CA10: variants seen among roughly 807,000 people sequenced by gnomAD.
CA10 encodes carbonic anhydrase 10 (inactive), also known as carbonic anhydrase-related protein 10.
In CA10, 14 loss-of-function variants were observed where a neutral mutation model predicts 44.2. The ratio of observed to expected loss-of-function variants is 0.32; its 90% CI spans 0.21 to 0.50. CA10 has a LOEUF of 0.50. Ranked by LOEUF, CA10 falls within the 20% of genes least tolerant of loss-of-function variation. The probability of loss-of-function intolerance (pLI) is 0.99; values close to 1 mark genes in which losing one functional copy is unlikely to be tolerated. For synonymous variants in CA10, 159 were observed against 141.6 expected, an observed-to-expected ratio of 1.12 and a Z score of -0.87; for missense variants, 350 against 409.7, an observed-to-expected ratio of 0.85 and a Z score of 1.26.
chr17:51,641,085 GT>G (rs1913060596), intron 6 of CA10, among the ~76,000 whole-genome samples: 1 of 151,620 alleles, frequency 6.6e-6, no homozygotes, highest in Non-Finnish European at 1.5e-5. Flanking sequence ...TTCAAATAAA[GT>G]TTCATGAATA....
chr17:52,022,074 A>T (rs7206998), intron 2 of CA10, among the ~76,000 whole-genome samples: 1 of 152,002 alleles, frequency 6.6e-6, no homozygotes. Context: ...GTGAAAATCA[A>T]GGAGGAGAGA....
At chr17:51,884,356 C>G (rs1238962837) in intron 3 of CA10, among the ~76,000 whole-genome samples, 1 of 152,172 alleles carries the variant, frequency 6.6e-6, no homozygotes, top group African/African-American at 2.4e-5. Context: ...CAATCCCTCT[C>G]ACCTCATTGC....
intron 2 of CA10, among the ~76,000 whole-genome samples, chr17:51,969,687 A>AC (rs1001482827): frequency 6.6e-6 from 1 of 151,850 alleles, no homozygotes; most frequent in Non-Finnish European, 1.5e-5. Flanking sequence ...TTTATTGAGT[A>AC]CCCCCTGTGT....
chr17:52,081,792 T>C, intron 1 of CA10, among the ~76,000 whole-genome samples: 1 of 98,610 alleles, frequency 1.0e-5, no homozygotes, highest in Non-Finnish European at 1.9e-5. Context: ...AGAGCGAGAC[T>C]CCGTCTCAAA....
chr17:52,077,171 T>C (rs560740768), intron 1 of CA10, among the ~76,000 whole-genome samples: 1 of 152,346 alleles, frequency 6.6e-6, no homozygotes, highest in South Asian at 2.1e-4. Flanking sequence ...TGGCTTCTTA[T>C]ACAAGTGAGC....
chr17:51,982,772 C>T (rs1270217799), intron 2 of CA10, among the ~76,000 whole-genome samples: 1 of 151,802 alleles, frequency 6.6e-6, no homozygotes, highest in Admixed American at 6.6e-5. Context: ...TTGCTCATGT[C>T]TCTTTTTTAC....
At chr17:51,633,192 A>G (rs1195415179) in intron 8 of CA10, among the ~76,000 whole-genome samples, 2 of 152,136 alleles carry the variant, frequency 1.3e-5, no homozygotes, top group Non-Finnish European at 2.9e-5. Flanking sequence ...TATATCTCAC[A>G]TATATCAAAC....
intron 1 of CA10, among the ~76,000 whole-genome samples, chr17:52,151,603 G>A (rs1314304631): frequency 1.3e-5 from 2 of 152,006 alleles, no homozygotes; most frequent in Non-Finnish European, 2.9e-5. Context: ...CTGTCGATAC[G>A]TCTTTGTTGA....
chr17:52,051,596 C>T lies in CA10; in HGVS notation c.136+20723G>A, dbSNP rs117793255. On this transcript the variant is annotated intron_variant, in intron 2 of 8. Coordinates refer to ENST00000451037, the MANE Select transcript of CA10 (RefSeq NM_020178.5). The stretch of plus-strand genomic sequence containing the variant: ...AATCAAAACCACAATGATACCATCT[C>T]ACACCAATCAGAATGGCTGTTATTA... Among the ~76,000 whole-genome samples, 17 of 152,188 alleles carry T rather than the reference C, an allele frequency of 1.1e-4. No homozygotes were observed. The East Asian group carries it at 3.1e-3, about 28-fold the overall frequency.
intron 3 of CA10, among the ~76,000 whole-genome samples, chr17:51,913,693 A>G (rs1010445277): frequency 6.6e-6 from 1 of 151,986 alleles, no homozygotes; most frequent in African/African-American, 2.4e-5. Flanking sequence ...CCTCCAAGGA[A>G]ACATATGTCT....
intron 2 of CA10, among the ~76,000 whole-genome samples, chr17:52,025,243 T>C (rs1325947248): frequency 1.3e-5 from 2 of 152,140 alleles, no homozygotes; most frequent in African/African-American, 4.8e-5. Context: ...GAGTTCTATA[T>C]CAGGGCACCA....
intron 4 of CA10, among the ~76,000 whole-genome samples, chr17:51,694,281 A>T (rs1289623400): frequency 6.6e-6 from 1 of 151,676 alleles, no homozygotes; most frequent in Non-Finnish European, 1.5e-5. Flanking sequence ...AATAATGTAT[A>T]AGTGTTTCCT....
intron 3 of CA10, among the ~76,000 whole-genome samples, chr17:51,772,238 A>G (rs1470030841): frequency 6.6e-6 from 1 of 152,234 alleles, no homozygotes; most frequent in Non-Finnish European, 1.5e-5. Flanking sequence ...ATAATTACTT[A>G]ACAAACATTA....
At chr17:51,934,461 A>C (rs912948375) in intron 2 of CA10, among the ~76,000 whole-genome samples, 1 of 152,114 alleles carries the variant, frequency 6.6e-6, no homozygotes, top group Non-Finnish European at 1.5e-5. Flanking sequence ...TTTTGCTATC[A>C]TTTCTCTTTT....
chr17:51,906,684 C>T (rs1295415025), intron 3 of CA10, among the ~76,000 whole-genome samples: 1 of 152,092 alleles, frequency 6.6e-6, no homozygotes, highest in Non-Finnish European at 1.5e-5. Flanking sequence ...GTTTAAAAGG[C>T]ACCTCAAACT....
chr17:51,823,269 G>A (rs903757404), intron 3 of CA10, among the ~76,000 whole-genome samples: 1 of 152,158 alleles, frequency 6.6e-6, no homozygotes, highest in African/African-American at 2.4e-5. Flanking sequence ...ACATGGCTGG[G>A]CCAGGACAGA....
At chr17:52,042,207 C>T (rs1986789099) in intron 2 of CA10, among the ~76,000 whole-genome samples, 1 of 152,002 alleles carries the variant, frequency 6.6e-6, no homozygotes, top group South Asian at 2.1e-4. Context: ...TTTACATTTC[C>T]ATCAACGGTG....
intron 6 of CA10, among the ~76,000 whole-genome samples, chr17:51,645,335 G>A: frequency 6.6e-6 from 1 of 152,176 alleles, no homozygotes; most frequent in East Asian, 1.9e-4. Flanking sequence ...TGACCTTCAA[G>A]GGGCAGATTT....
At position 51,866,852 on chromosome 17, in the gene CA10, T is replaced by C. The variant is rs138412694; in HGVS notation, c.279+64138A>G. ...TCAAACCCTATAAAATAATACTGAA[T>C]ATTTTAATGCAAGTTAGATAATTAT... On this transcript the variant is annotated intron_variant, in intron 3 of 8. Coordinates refer to ENST00000451037, the MANE Select transcript of CA10 (RefSeq NM_020178.5). 3.1e-3 allele frequency among the ~76,000 whole-genome samples: 479 copies of C among 152,326 alleles called. 2 individuals are homozygous for C. Among genetic ancestry groups the C allele is most frequent in the African/African-American group, 0.011 (466 of 41,568 alleles).
Sources: allele counts gnomAD v4.1 joint callset (sites outside exome capture counted in the v4.1 genomes callset), GRCh38; gene constraint gnomAD v4.1.1; transcripts MANE v1.5; gene names NCBI Gene and HGNC (gene_info 2026-07-23, HGNC 2026-07-21).